ACSM2A: variants seen among roughly 807,000 people sequenced by gnomAD.
ACSM2A encodes the protein acyl-coenzyme A synthetase ACSM2A, mitochondrial.
ACSM2A carries 72 observed loss-of-function variants against 76.6 expected under a neutral mutation model. The observed-to-expected ratio is 0.94, with a 90% CI of 0.78 to 1.14. ACSM2A has a LOEUF of 1.14. Ranked by LOEUF, ACSM2A falls within the 50% of genes most tolerant of loss-of-function variation. The pLI, the probability that ACSM2A is intolerant of heterozygous loss-of-function variation, is 0.00. For synonymous variants in ACSM2A, 249 were observed against 255.9 expected (o/e 0.97, Z 0.26); for missense variants, 684 against 708.5 (o/e 0.97, Z 0.39).
At chr16:20,478,970 A>G (rs2141753724) in intron 10 of ACSM2A, among the ~76,000 whole-genome samples, 1 of 152,264 alleles carries the variant, frequency 6.6e-6, no homozygotes, top group African/African-American at 2.4e-5. Flanking sequence ...TGAACTATAC[A>G]CAGCACCATT....
chr16:20,486,397 A>G (rs1319327055), intron 13 of ACSM2A, among the ~76,000 whole-genome samples, 177 bp from the exon 14 acceptor site: 1 of 152,218 alleles, frequency 6.6e-6, no homozygotes, highest in East Asian at 1.9e-4. Flanking sequence ...GCCCAATTCT[A>G]GCCATCCTCT....
intron 1 of ACSM2A, among the ~76,000 whole-genome samples, chr16:20,455,336 A>C (rs2141679117): frequency 6.6e-6 from 1 of 151,510 alleles, no homozygotes; most frequent in Middle Eastern, 3.4e-3. Flanking sequence ...TTGCCTAGGC[A>C]CATTGTCATC....
At chr16:20,480,203 A>T (rs2014002262) in intron 10 of ACSM2A, among the ~76,000 whole-genome samples, 1 of 152,212 alleles carries the variant, frequency 6.6e-6, no homozygotes, top group South Asian at 2.1e-4. Context: ...TAAGAAAATT[A>T]CCTAATCAAA....
chr16:20,482,945 G>T (rs1359674823), intron 12 of ACSM2A, 113 bp from the exon 13 acceptor site: 2 of 1,486,628 alleles, frequency 1.3e-6, no homozygotes, highest in African/African-American at 1.4e-5. Context: ...GATCACCGGG[G>T]GTGCAAATGA....
intron 1 of ACSM2A, chr16:20,453,569 A>C (rs2011920831): frequency 7.9e-6 from 1 of 125,912 alleles, no homozygotes; most frequent in Admixed American, 7.7e-5. Context: ...ATATGAAATC[A>C]GTATACCTGG....
At chr16:20,471,384 T>C (rs2013387573) in intron 5 of ACSM2A, 152 bp from the exon 6 acceptor site, 17 of 1,478,378 alleles carry the variant, frequency 1.1e-5, no homozygotes, top group Non-Finnish European at 1.5e-5. Context: ...TCCCCCTTCC[T>C]ACTTATACAT....
At chr16:20,462,593 T>C (rs955382657) in intron 2 of ACSM2A, among the ~76,000 whole-genome samples, 3 of 152,158 alleles carry the variant, frequency 2.0e-5, no homozygotes, top group Admixed American at 1.3e-4. Context: ...CATGTTTTGT[T>C]TTTGATTTTG....
intron 2 of ACSM2A, 42 bp downstream of exon 2, chr16:20,460,333 T>C (rs1358968246): frequency 5.0e-6 from 8 of 1,606,392 alleles, no homozygotes; most frequent in Non-Finnish European, 6.8e-6. Flanking sequence ...ACAATTTTGT[T>C]GACTTTTAAA....
chr16:20,481,276 T>C (rs1203588528), intron 12 of ACSM2A: 3 of 291,084 alleles, frequency 1.0e-5, no homozygotes, highest in East Asian at 7.6e-5. Context: ...CACACTCCCA[T>C]GGTAATTGCA....
chr16:20,471,224 G>C lies in ACSM2A; in HGVS notation c.740+8G>C, dbSNP rs371189018. 1.7e-5 allele frequency: 27 copies of C among 1,606,978 alleles called. No individual in the cohort carries two copies. The highest frequency in any genetic ancestry group is 2.3e-5 in the Non-Finnish European group (27 of 1,176,222). On this transcript the variant is annotated splice_region_variant and intron_variant, in intron 5 of 13. Transcript: ENST00000573854. ...GGCCAAGATGGATGCTGGGTAAGCT[G>C]AGCTCTTTCTCTCTACAGAGAATTA...
At chr16:20,464,001 T>C (rs1485046928) in intron 2 of ACSM2A, among the ~76,000 whole-genome samples, 3 of 152,148 alleles carry the variant, frequency 2.0e-5, no homozygotes, top group Admixed American at 2.0e-4. Flanking sequence ...CTTCCACAGA[T>C]CACTAGGCTA....
rs747409825 is a variant in ACSM2A at position 20,471,621 on chromosome 16, C to T, written c.826C>T (p.Pro276Ser). The change falls in exon 6 of 14, where the codon CCT (proline) becomes TCT (serine). Residue 276 changes from proline to serine, a missense_variant. Around this residue, in one of 3 missense-constraint regions of ACSM2A, gnomAD observed 519 missense variants for 549.5 expected, o/e 0.94. Transcript: ENST00000573854. ...ILNILCSLME[P>S]WALGACTFVH... ...GAACATCTTGTGCTCACTTATGGAA[C>T]CTTGGGCATTAGGAGCATGCACATT... 6 of 1,614,004 alleles carry T rather than the reference C, an allele frequency of 3.7e-6. No individual in the cohort carries two copies. The highest frequency in any genetic ancestry group is 4.5e-5 in the East Asian group (2 of 44,880).
At chr16:20,473,953 C>A (rs2013572504) in intron 6 of ACSM2A, 1 of 414,846 alleles carries the variant, frequency 2.4e-6, no homozygotes, top group South Asian at 1.8e-5. Context: ...TTCTATTGAT[C>A]CCAGGTCTTT....
intron 12 of ACSM2A, 128 bp from the exon 13 acceptor site, chr16:20,482,930 A>G (rs2014168217): frequency 1.4e-6 from 2 of 1,443,926 alleles, no homozygotes; most frequent in Non-Finnish European, 1.9e-6. Context: ...TTTTCCCTTG[A>G]CCTGGATCAC....
chr16:20,462,618 A>G (rs1365249424), intron 2 of ACSM2A, among the ~76,000 whole-genome samples: 2 of 152,150 alleles, frequency 1.3e-5, no homozygotes, highest in Admixed American at 1.3e-4. Flanking sequence ...ATTACTCTCA[A>G]ACTATGATCT....
Position 20,486,855 on chromosome 16 carries a change from GA to G in ACSM2A, c.*179del. The G allele has an allele frequency of 2.8e-6, 2 of 724,678 alleles. No homozygotes were observed. The highest frequency in any genetic ancestry group is 4.5e-6 in the Non-Finnish European group (2 of 443,732). 44.9% of individuals were successfully genotyped at this position (724,678 alleles called of 1,614,324 possible). Reference sequence around the variant, plus strand: ...ATGTTAGATGTTGAAAGAAGAAAGGGAAGGAATGAGAGAGAGTGAAAAGGAG... The same window carrying G: ...ATGTTAGATGTTGAAAGAAGAAAGGGAGGAATGAGAGAGAGTGAAAAGGAG... On this transcript the variant is annotated 3_prime_UTR_variant, in exon 14 of 14. Coordinates refer to ENST00000573854, the MANE Select transcript of ACSM2A (RefSeq NM_001308172.2).
At chr16:20,466,504 A>G (rs1379036495) in intron 3 of ACSM2A, among the ~76,000 whole-genome samples, 1 of 152,180 alleles carries the variant, frequency 6.6e-6, no homozygotes, top group Non-Finnish European at 1.5e-5. Context: ...AATTGCATAG[A>G]CAGCCAAGTT....
At chr16:20,476,699 C>T (rs532010322) in intron 8 of ACSM2A, 79 of 994,672 alleles carry the variant, frequency 7.9e-5, no homozygotes, top group African/African-American at 3.3e-4. Flanking sequence ...CAGTGGGTGG[C>T]GGGAAAAGAT....
At chr16:20,483,470 T>C (rs2014212985) in intron 13 of ACSM2A, among the ~76,000 whole-genome samples, 1 of 139,310 alleles carries the variant, frequency 7.2e-6, no homozygotes, top group Admixed American at 8.2e-5. Flanking sequence ...CTCAGGAGGC[T>C]GAGGCATGAG....
Sources: gnomAD v4.1 joint callset for allele counts (sites outside exome capture counted in the v4.1 genomes callset) on GRCh38, gnomAD v4.1.1 for gene constraint, gnomAD v4.1.1 regional missense constraint, MANE v1.5 for transcripts, NCBI Gene and HGNC (gene_info 2026-07-23, HGNC 2026-07-21) for gene names.